The following OR9Q1 variants were observed in gnomAD, a reference collection of about 807,000 sequenced individuals.
The protein encoded by OR9Q1 is olfactory receptor 9Q1.
For synonymous variants in OR9Q1, 153 were observed against 148.6 expected (o/e 1.03, Z -0.22); for missense variants, 374 against 378.8 (o/e 0.99, Z 0.11).
intron 2 of OR9Q1, among the ~76,000 whole-genome samples, chr11:58,090,483 C>T (rs950756236): frequency 3.3e-5 from 5 of 152,176 alleles, no homozygotes; most frequent in Non-Finnish European, 5.9e-5. Context: ...CCTTGCATCC[C>T]AGGTATGAAG....
chr11:58,045,536 A>C lies in OR9Q1; in HGVS notation c.-92-10334A>C, dbSNP rs112308510. ...GACGTGAGCCACCACGCCTGGCCAT[A>C]ATGATATGTGCTTTGAAGGTGGTGT... On this transcript the variant is annotated intron_variant, in intron 1 of 2. Coordinates refer to ENST00000335397, the MANE Select transcript of OR9Q1 (RefSeq NM_001005212.4). 2.8e-3 allele frequency among the ~76,000 whole-genome samples: 428 copies of C among 152,162 alleles called. 1 individual carries two copies. Among genetic ancestry groups the C allele is most frequent in the African/African-American group, 9.9e-3 (413 of 41,560 alleles).
At chr11:58,062,171 G>A (rs1370199359) in intron 2 of OR9Q1, among the ~76,000 whole-genome samples, 2 of 152,194 alleles carry the variant, frequency 1.3e-5, no homozygotes, top group African/African-American at 4.8e-5. Flanking sequence ...CCTACAGAAA[G>A]TGTCTATCTG....
At chr11:58,052,996 T>C (rs1853281644) in intron 1 of OR9Q1, among the ~76,000 whole-genome samples, 1 of 151,032 alleles carries the variant, frequency 6.6e-6, no homozygotes, top group Non-Finnish European at 1.5e-5. Context: ...TTTACACTGT[T>C]GGTGGGCCTG....
intron 2 of OR9Q1, among the ~76,000 whole-genome samples, chr11:58,163,763 G>A (rs74416926): frequency 2.5e-4 from 38 of 152,134 alleles, no homozygotes; most frequent in African/African-American, 8.9e-4. Flanking sequence ...GCAGGGGGCC[G>A]TTCTCCCAGG....
At chr11:58,048,121 T>C (rs539762068) in intron 1 of OR9Q1, among the ~76,000 whole-genome samples, 7 of 152,304 alleles carry the variant, frequency 4.6e-5, no homozygotes, top group African/African-American at 1.7e-4. Context: ...GTCTTATGAA[T>C]AGGAACCTAT....
At chr11:58,050,179 A>G (rs1487901115) in intron 1 of OR9Q1, among the ~76,000 whole-genome samples, 7 of 97,294 alleles carry the variant, frequency 7.2e-5, no homozygotes, top group East Asian at 2.4e-4. Flanking sequence ...GAGGCATCAC[A>G]CTACCTGACT....
chr11:58,092,600 C>T (rs921472870), intron 2 of OR9Q1, among the ~76,000 whole-genome samples: 2 of 152,138 alleles, frequency 1.3e-5, no homozygotes, highest in African/African-American at 4.8e-5. Flanking sequence ...TTCTAAGCCA[C>T]AATTATGCAT....
chr11:58,180,121 T>C lies in OR9Q1; in HGVS notation c.677T>C (p.Met226Thr). Residue 226 changes from methionine (M) to threonine (T), a missense_variant, in exon 3 of 3, where the codon ATG becomes ACG. Met to Thr is a moderately conservative substitution (Grantham distance 81). Coordinates refer to ENST00000335397, the MANE Select transcript of OR9Q1 (RefSeq NM_001005212.4). ...VSYLFIIVAI[M>T]GIPAGSQAKT... ...TACCTGTTTATCATCGTGGCCATCA[T>C]GGGGATCCCTGCTGGAAGCCAGGCC... The C allele has an allele frequency of 1.2e-6, 2 of 1,614,190 alleles. No individual in the cohort carries two copies. Among genetic ancestry groups the C allele is most frequent in the South Asian group, 1.1e-5 (1 of 91,076 alleles).
intron 2 of OR9Q1, among the ~76,000 whole-genome samples, chr11:58,068,154 C>T (rs1274553458): frequency 1.4e-5 from 2 of 143,420 alleles, no homozygotes; most frequent in African/African-American, 5.2e-5. Context: ...GCCTGATCAA[C>T]ATGTTAAACC....
chr11:58,060,994 G>A (rs143918435), intron 2 of OR9Q1, among the ~76,000 whole-genome samples: 2 of 152,176 alleles, frequency 1.3e-5, no homozygotes, highest in Non-Finnish European at 2.9e-5. Context: ...CAGACTGTTC[G>A]AGTTCATGCC....
intron 2 of OR9Q1, among the ~76,000 whole-genome samples, chr11:58,140,939 T>G (rs1854242348): frequency 6.6e-6 from 1 of 152,224 alleles, no homozygotes; most frequent in South Asian, 2.1e-4. Flanking sequence ...TTCTTCCATT[T>G]GTTTGTATCC....
In OR9Q1 at chr11:58,180,328, A is replaced by T. The variant is rs1348290201; in HGVS notation, c.884A>T (p.Glu295Val). ...NPLIYSLRNK[E>V]VKEALRKILN... The stretch of plus-strand genomic sequence containing the variant: ...CTCATCTACAGCCTGAGGAACAAGG[A>T]AGTGAAGGAGGCCCTGAGAAAAATT... The change falls in exon 3 of 3, where the codon GAA (glutamate) becomes GTA (valine). Residue 295 changes from glutamate to valine, a missense_variant. Physicochemically the swap from Glu to Val is moderately radical, Grantham distance 121 (BLOSUM62 -2). Coordinates refer to ENST00000335397, the MANE Select transcript of OR9Q1 (RefSeq NM_001005212.4). 1 of 1,606,512 alleles carries T rather than the reference A, an allele frequency of 6.2e-7. No individual in the cohort carries two copies. The highest frequency in any genetic ancestry group is 1.7e-5 in the Admixed American group (1 of 59,246).
chr11:58,117,199 TTCA>T (rs1180925626), intron 2 of OR9Q1: 9 of 152,216 alleles, frequency 5.9e-5, no homozygotes, highest in African/African-American at 2.2e-4. Flanking sequence ...CTATTTCTTA[TTCA>T]TCATTTTATT....
chr11:58,144,202 CG>C (rs1300949771), intron 2 of OR9Q1, among the ~76,000 whole-genome samples: 2 of 137,720 alleles, frequency 1.5e-5, no homozygotes, highest in East Asian at 2.2e-4. Context: ...CAACAGTCCC[CG>C]GTGTGTGATG....
chr11:58,059,441 A>G (rs972807162), intron 2 of OR9Q1, among the ~76,000 whole-genome samples: 3 of 152,178 alleles, frequency 2.0e-5, no homozygotes, highest in African/African-American at 7.2e-5. Flanking sequence ...CATGCCTGTA[A>G]TCCCAGCACT....
At chr11:58,161,239 TAAAA>T (rs201839734) in intron 2 of OR9Q1, among the ~76,000 whole-genome samples, 1 of 113,930 alleles carries the variant, frequency 8.8e-6, no homozygotes. Flanking sequence ...ACGTAAAGTA[TAAAA>T]AAAAAAAAAA....
chr11:58,073,855 A>G (rs933075653), intron 2 of OR9Q1, among the ~76,000 whole-genome samples: 1 of 152,036 alleles, frequency 6.6e-6, no homozygotes, highest in Admixed American at 6.6e-5. Context: ...CCCTGTGTCC[A>G]TGTGTTCTCA....
intron 1 of OR9Q1, among the ~76,000 whole-genome samples, chr11:58,037,741 C>A (rs1048565820): frequency 1.4e-5 from 1 of 73,960 alleles, no homozygotes; most frequent in Non-Finnish European, 2.5e-5. Flanking sequence ...TTTTTTGAGA[C>A]GGAGTCTCAC....
At chr11:58,066,670 C>G (rs985917244) in intron 2 of OR9Q1, among the ~76,000 whole-genome samples, 28 of 152,262 alleles carry the variant, frequency 1.8e-4, no homozygotes, top group Admixed American at 1.6e-3. Flanking sequence ...CTGGCAGAGA[C>G]AGCCCCAGGG....
Sources: gnomAD v4.1 joint callset for allele counts (sites outside exome capture counted in the v4.1 genomes callset) on GRCh38, gnomAD v4.1.1 for gene constraint, MANE v1.5 for transcripts, NCBI Gene and HGNC (gene_info 2026-07-23, HGNC 2026-07-21) for gene names.